CRYBG2: variants seen among roughly 807,000 people sequenced by gnomAD.
CRYBG2 encodes the protein crystallin beta-gamma domain containing 2.
In CRYBG2, 106 loss-of-function variants were observed where a neutral mutation model predicts 153.4. That is an observed-to-expected ratio of 0.69 (90% CI 0.59 to 0.81). CRYBG2 has a LOEUF of 0.81. Ranked by LOEUF, CRYBG2 falls within the 30% of genes least tolerant of loss-of-function variation. CRYBG2 has a pLI of 0.00. For synonymous variants in CRYBG2, 851 were observed against 877.8 expected, an observed-to-expected ratio of 0.97 and a Z score of 0.54; for missense variants, 1,996 against 2,112.0, an observed-to-expected ratio of 0.95 and a Z score of 1.08.
chr1:26,333,118 C>T (rs1371257395), intron 14 of CRYBG2, among the ~76,000 whole-genome samples: 27 of 139,724 alleles, frequency 1.9e-4, no homozygotes, highest in Admixed American at 1.9e-3. Flanking sequence ...GGCTTTGGAA[C>T]TGTTATAGGC....
In CRYBG2 at chr1:26,346,155, C is replaced by G. The variant is rs920115844; in HGVS notation, c.503G>C (p.Ser168Thr). The part of the protein sequence containing the change: ...GVGLTSGSSR[S>T]LEEYRVTRTV... Reference sequence around the variant, plus strand: ...GCGTGTCACTCGGTATTCCTCGAGGCTCCGGGAGCTACCACTGGTGAGACC... The same window carrying G: ...GCGTGTCACTCGGTATTCCTCGAGGGTCCGGGAGCTACCACTGGTGAGACC... Residue 168 changes from serine to threonine, a missense_variant, in exon 2 of 20, where the codon AGC becomes ACC. Transcript: ENST00000308182. The surrounding 1 kb of genome is among the most constrained non-coding windows in gnomAD (Gnocchi z 4.9). The G allele has an allele frequency of 3.2e-6, 5 of 1,550,244 alleles. No homozygotes were observed. The highest frequency in any genetic ancestry group is 4.3e-6 in the Non-Finnish European group (5 of 1,153,988).
rs1004444363 is a variant in CRYBG2 at position 26,325,477 on chromosome 1, T to C, written c.4579-1167A>G. ...CGGGAGGCTGAGGCAGGAGAATCGC[T>C]TGAACCCGGGAGATGTAGGTTGCAG... is the stretch of plus-strand genomic sequence containing the variant. On this transcript the variant is annotated intron_variant, in intron 17 of 19. Coordinates refer to ENST00000308182, the MANE Select transcript of CRYBG2 (RefSeq NM_001039775.4). The surrounding 1 kb of genome is among the most constrained non-coding windows in gnomAD (Gnocchi z 4.1). Among the ~76,000 whole-genome samples the C allele has an allele frequency of 6.6e-6, 1 of 152,056 alleles. No individual in the cohort carries two copies. Among genetic ancestry groups the C allele is most frequent in the Admixed American group, 6.6e-5 (1 of 15,262 alleles).
Position 26,344,696 on chromosome 1 carries a change from G to C in CRYBG2, c.1962C>G (p.Ser654Arg). 1 of 1,533,108 alleles carries C rather than the reference G, an allele frequency of 6.5e-7. No individual in the cohort carries two copies. The highest frequency in any genetic ancestry group is 8.7e-7 in the Non-Finnish European group (1 of 1,144,918). 95.0% of individuals were successfully genotyped at this position (1,533,108 alleles called of 1,614,324 possible). The change falls in exon 2 of 20, where the codon AGC becomes AGG. Residue 654 changes from serine (S) to arginine (R), a missense_variant. Transcript: ENST00000308182. ...CTTCCTTGGTGAGGGGCGGGGCAAG[G>C]CTGCCTGCAATACCCTGGACAGCCT... Reference protein sequence around the residue: ...QKEAVQGIAGSLAPPLTKEET... With the variant: ...QKEAVQGIAGRLAPPLTKEET...
chr1:26,345,709 G>T lies in CRYBG2; in HGVS notation c.949C>A (p.Gln317Lys). The T allele has an allele frequency of 3.1e-6, 5 of 1,597,842 alleles. No homozygotes were observed. Among genetic ancestry groups the T allele is most frequent in the Non-Finnish European group, 3.4e-6 (4 of 1,179,352 alleles). The change falls in exon 2 of 20, where the codon CAG becomes AAG. Residue 317 changes from glutamine (Q) to lysine (K), a missense_variant. Physicochemically the swap from Gln to Lys is moderately conservative, Grantham distance 53. Transcript: ENST00000308182. ...DAPAACPDRD[Q>K]GRAPDARACE... ...GCCCTGGCATCCGGGGCTCTGCCCT[G>T]GTCTCTGTCCGGACAGGCTGCAGGG... is the stretch of plus-strand genomic sequence containing the variant.
chr1:26,336,646 G>GTTA lies in CRYBG2; in HGVS notation c.3997_3998insTAA (p.Ala1333delinsValThr). The GTTA allele has an allele frequency of 6.4e-7, 1 of 1,551,342 alleles. No homozygotes were observed. The highest frequency in any genetic ancestry group is 8.7e-7 in the Non-Finnish European group (1 of 1,147,150). On this transcript the variant is annotated protein_altering_variant, in exon 12 of 20. Transcript: ENST00000308182. This position sits in a 1 kb window ranked among gnomAD's most constrained non-coding sequence, Gnocchi z 4.9. The stretch of plus-strand genomic sequence containing the variant: ...CAGCGAGGCGAGGGTGCTGTTGCCA[G>GTTA]CGCCCCAGTCCTCGCAGTTACGATA...
At chr1:26,330,478 T>C (rs1046449932) in intron 15 of CRYBG2, among the ~76,000 whole-genome samples, 1 of 151,356 alleles carries the variant, frequency 6.6e-6, no homozygotes, top group Non-Finnish European at 1.5e-5. Context: ...GAGATAATAA[T>C]GGTAACACAC....
chr1:26,326,679 C>T (rs2073930904), intron 17 of CRYBG2: 4 of 257,658 alleles, frequency 1.6e-5, no homozygotes, highest in South Asian at 7.9e-5. Context: ...TGTCTAGAGG[C>T]ACTGAGAATG....
At chr1:26,337,179 C>G in intron 10 of CRYBG2, 74 bp downstream of exon 10, 1 of 1,591,210 alleles carries the variant, frequency 6.3e-7, no homozygotes, top group Non-Finnish European at 8.6e-7. Flanking sequence ...ACAAATTCTT[C>G]CCTCCACAAA....
chr1:26,343,975 G>A lies in CRYBG2; in HGVS notation c.2683C>T (p.Gln895Ter). The A allele has an allele frequency of 1.3e-6, 2 of 1,537,142 alleles. No individual in the cohort carries two copies. Among genetic ancestry groups the A allele is most frequent in the Non-Finnish European group, 1.7e-6 (2 of 1,146,850 alleles). The change falls in exon 2 of 20, where the codon CAG (glutamine) becomes TAG (stop). Residue 895 changes from glutamine (Q) to a stop codon, truncating the protein, a stop_gained. Coordinates refer to ENST00000308182, the MANE Select transcript of CRYBG2 (RefSeq NM_001039775.4). LOFTEE classifies it high-confidence loss of function. This position sits in a 1 kb window ranked among gnomAD's most constrained non-coding sequence, Gnocchi z 4.1. ...GPHSELGLELQGGSRPTSRLG... is the reference protein window; with the variant it reads ...GPHSELGLEL ...CGGGAAGTGGGCCTGCTGCCTCCCT[G>A]CAGTTCCAATCCCAGCTCTGAGTGG...
chr1:26,342,905 G>A, intron 4 of CRYBG2, 22 bp from the exon 5 acceptor site: 1 of 1,613,652 alleles, frequency 6.2e-7, no homozygotes. Context: ...GAGATTCCAG[G>A]ATCACAGATG....
chr1:26,328,486 A>AG (rs2073960019), intron 16 of CRYBG2, 154 bp from the exon 17 acceptor site: 1 of 1,257,682 alleles, frequency 8.0e-7, no homozygotes, highest in African/African-American at 1.5e-5. Flanking sequence ...CAGGGCGGAG[A>AG]GGGAGGCTGG....
chr1:26,333,782 T>C (rs2074024613), intron 14 of CRYBG2, among the ~76,000 whole-genome samples: 1 of 152,200 alleles, frequency 6.6e-6, no homozygotes, highest in Non-Finnish European at 1.5e-5. Flanking sequence ...TATTTTGTGA[T>C]AGCAGCCTGA....
intron 1 of CRYBG2, among the ~76,000 whole-genome samples, chr1:26,348,835 C>T (rs1198798722): frequency 6.7e-6 from 1 of 149,820 alleles, no homozygotes; most frequent in East Asian, 2.1e-4. Context: ...GGATTATAGA[C>T]GTGAGCCACT....
At chr1:26,340,513 TAC>T (rs2074116251) in intron 5 of CRYBG2, among the ~76,000 whole-genome samples, 1 of 152,240 alleles carries the variant, frequency 6.6e-6, no homozygotes, top group Non-Finnish European at 1.5e-5. Context: ...TCAAAGCCTT[TAC>T]CTCCCACATG....
chr1:26,323,046 G>A (rs542358298), intron 18 of CRYBG2, among the ~76,000 whole-genome samples: 13 of 151,744 alleles, frequency 8.6e-5, no homozygotes, highest in African/African-American at 2.7e-4. Context: ...CATCTTCTTC[G>A]GAAAGGCTCC....
Position 26,338,496 on chromosome 1 carries a change from CTG to C in CRYBG2, c.3345-21_3345-20del. ...TAGCCACCTAGGGGAAACAGAGAGG[CTG>C]CTGCACCCTAGCAGAGAGACTTCAA... On this transcript the variant is annotated intron_variant, in intron 6 of 19. Transcript: ENST00000308182. 1 of 1,586,092 alleles carries C rather than the reference CTG, an allele frequency of 6.3e-7. No homozygotes were observed. The highest frequency in any genetic ancestry group is 8.6e-7 in the Non-Finnish European group (1 of 1,167,230).
Position 26,346,480 on chromosome 1 carries a change from G to A in CRYBG2, c.178C>T (p.Arg60Ter), listed in dbSNP as rs1427720195. The A allele has an allele frequency of 2.5e-6, 4 of 1,610,630 alleles. No homozygotes were observed. Among genetic ancestry groups the A allele is most frequent in the Non-Finnish European group, 3.4e-6 (4 of 1,179,812 alleles). The change falls in exon 2 of 20, where the codon CGA (arginine) becomes TGA (stop). Residue 60 changes from arginine to a stop codon, truncating the protein, a stop_gained. Coordinates refer to ENST00000308182, the MANE Select transcript of CRYBG2 (RefSeq NM_001039775.4). LOFTEE classifies it high-confidence loss of function. This position sits in a 1 kb window ranked among gnomAD's most constrained non-coding sequence, Gnocchi z 4.9. ...AAGCCATTGACTTCCACTTCCTCTCGACGGCTGAACTCAAACATCTCCTTC... is the reference window on the plus strand; with the variant it reads ...AAGCCATTGACTTCCACTTCCTCTCAACGGCTGAACTCAAACATCTCCTTC... ...PQKEMFEFSR[R>*]EEVEVNGFAT...
chr1:26,327,286 G>A (rs2073936485), intron 17 of CRYBG2, among the ~76,000 whole-genome samples: 2 of 152,030 alleles, frequency 1.3e-5, no homozygotes, highest in Admixed American at 1.3e-4. Context: ...GCCAATTACA[G>A]TGAAACCTCG....
Position 26,343,884 on chromosome 1 carries a change from G to T in CRYBG2, c.2774C>A (p.Pro925Gln). 6.6e-7 allele frequency: 1 copy of T among 1,519,110 alleles called. No individual in the cohort carries two copies. The highest frequency in any genetic ancestry group is 2.5e-5 in the East Asian group (1 of 40,662). The allele number at this position is 1,519,110 out of a possible 1,614,324, so 94.1% of individuals were successfully genotyped here. ...PTAKEASTPE[P>Q]LGTKLSALLP... is the part of the protein sequence containing the mutation. ...CAGAGCAGATAGTTTTGTGCCCAGC[G>T]GTTCCGGGGTGGAGGCCTCCTTGGC... Residue 925 changes from proline (P) to glutamine (Q), a missense_variant, in exon 2 of 20, where the codon CCG becomes CAG. Physicochemically the swap from Pro to Gln is moderately conservative, Grantham distance 76. Transcript: ENST00000308182. The surrounding 1 kb of genome is among the most constrained non-coding windows in gnomAD (Gnocchi z 4.1).
Sources: allele counts gnomAD v4.1 joint callset (sites outside exome capture counted in the v4.1 genomes callset), GRCh38; gene constraint gnomAD v4.1.1; non-coding constraint Gnocchi (gnomAD v3.1); transcripts MANE v1.5; gene names NCBI Gene and HGNC (gene_info 2026-07-23, HGNC 2026-07-21).